Variants in AHCY observed in about 807,000 individuals in gnomAD.
The protein encoded by AHCY is S-adenosyl-L-homocysteine hydrolase.
Under a neutral mutation model 45.4 loss-of-function variants are expected in AHCY, and 24 were observed. The observed-to-expected ratio is 0.53, with a 90% CI of 0.38 to 0.74. The LOEUF (loss-of-function observed/expected upper bound fraction) is 0.74, where lower values mean the gene tolerates loss of function less well. AHCY is among the 30% of genes least tolerant of loss of function. The pLI, the probability that AHCY is intolerant of heterozygous loss-of-function variation, is 0.00. For synonymous variants in AHCY, 245 were observed against 235.1 expected (o/e 1.04, Z -0.39); for missense variants, 449 against 594.1 (o/e 0.76, Z 2.54).
At chr20:34,251,938 T>C in the AHCY span, among the ~76,000 whole-genome samples, 1 of 152,238 alleles carries the variant, frequency 6.6e-6, no homozygotes, top group Non-Finnish European at 1.5e-5. Flanking sequence ...AAATTTCCGT[T>C]GTTTAGAAAC....
intron 1 of AHCY, among the ~76,000 whole-genome samples, chr20:34,296,800 G>A (rs1038056409): frequency 5.9e-5 from 9 of 152,228 alleles, no homozygotes; most frequent in Non-Finnish European, 1.2e-4. Context: ...AGAGGTAGGC[G>A]GTGGGAGGCA....
At chr20:34,287,365 G>A (rs1044696817) in intron 8 of AHCY, among the ~76,000 whole-genome samples, 7 of 150,250 alleles carry the variant, frequency 4.7e-5, no homozygotes, top group Non-Finnish European at 7.4e-5. Context: ...CCAGGAAGGG[G>A]GTCTCTTTTT....
chr20:34,292,588 T>C (rs920078932), intron 3 of AHCY, 81 bp from the exon 4 acceptor site: 1 of 1,595,326 alleles, frequency 6.3e-7, no homozygotes, highest in African/African-American at 1.3e-5. Flanking sequence ...GAGCCAAAAC[T>C]ACCTCCTTCC....
the AHCY span, among the ~76,000 whole-genome samples, chr20:34,258,690 T>TATATATATATATATATATACAC: frequency 4.1e-5 from 3 of 72,326 alleles, no homozygotes; most frequent in African/African-American, 2.2e-4. Flanking sequence ...TATATATATA[T>TATATATATATATATATATACAC]ACATACTATA....
chr20:34,262,028 A>T, the AHCY span, among the ~76,000 whole-genome samples: 3 of 151,622 alleles, frequency 2.0e-5, no homozygotes, highest in African/African-American at 7.3e-5. Context: ...CAGGAAAATC[A>T]CTTGAACCCA....
intron 3 of AHCY, 156 bp downstream of exon 3, chr20:34,293,925 C>T: frequency 2.6e-6 from 2 of 761,074 alleles, no homozygotes; most frequent in Admixed American, 4.0e-5. Flanking sequence ...TGGGACAAAG[C>T]AGCTCTTTCC....
At chr20:34,275,788 T>C (rs1478769179), downstream of AHCY, among the ~76,000 whole-genome samples, 2 of 151,982 alleles carry the variant, frequency 1.3e-5, no homozygotes, top group Non-Finnish European at 2.9e-5. Flanking sequence ...GTGATTTTCC[T>C]GTCTCAGCCT....
the AHCY span, among the ~76,000 whole-genome samples, chr20:34,241,018 C>T: frequency 3.3e-5 from 5 of 152,164 alleles, no homozygotes; most frequent in East Asian, 5.8e-4. Flanking sequence ...CAGAGCAACA[C>T]GCCTTGCCTC....
the AHCY span, among the ~76,000 whole-genome samples, chr20:34,271,335 GAA>G: frequency 6.6e-6 from 1 of 152,192 alleles, no homozygotes; most frequent in Non-Finnish European, 1.5e-5. Flanking sequence ...GACCAGAACT[GAA>G]ACTCACATTT....
chr20:34,266,141 CAGG>C, the AHCY span, among the ~76,000 whole-genome samples: 1 of 149,380 alleles, frequency 6.7e-6, no homozygotes, highest in Non-Finnish European at 1.5e-5. Flanking sequence ...ACCACAAGGT[CAGG>C]AGATCAAGAC....
the AHCY span, among the ~76,000 whole-genome samples, chr20:34,251,475 C>T: frequency 1.3e-5 from 2 of 151,906 alleles, no homozygotes; most frequent in South Asian, 2.1e-4. Context: ...GGGGTTTTAC[C>T]GTGTTAGCCA....
chr20:34,244,832 T>C, the AHCY span, among the ~76,000 whole-genome samples: 1 of 152,190 alleles, frequency 6.6e-6, no homozygotes, highest in African/African-American at 2.4e-5. Context: ...TAGGGTGGAC[T>C]TTGTAACAAC....
chr20:34,251,039 T>C, the AHCY span, among the ~76,000 whole-genome samples: 341 of 152,274 alleles, frequency 2.2e-3, 1 homozygote, highest in South Asian at 3.9e-3. Flanking sequence ...ACAAGACTCC[T>C]GGGTTACATC....
At chr20:34,245,146 A>C in the AHCY span, among the ~76,000 whole-genome samples, 1,973 of 151,774 alleles carry the variant, frequency 0.013, 33 homozygotes, top group African/African-American at 0.043. Context: ...CCAGCCTGGC[A>C]AACATGATGA....
intron 1 of AHCY, among the ~76,000 whole-genome samples, chr20:34,299,214 G>A (rs371183767): frequency 6.6e-6 from 1 of 151,966 alleles, no homozygotes; most frequent in East Asian, 1.9e-4. Flanking sequence ...CTGCTCCATG[G>A]GGCCTGATTC....
chr20:34,290,231 C>T lies in AHCY; in HGVS notation c.972+101G>A. On this transcript the variant is annotated intron_variant, in intron 8 of 9. Transcript: ENST00000217426. This position sits in a 1 kb window ranked among gnomAD's most constrained non-coding sequence, Gnocchi z 4.5. ...GCTAGGCCCTCTTCTCCCCATCCCC[C>T]TGCACAGGTTGCCACCATCTCCTCA... 1.7e-6 allele frequency: 2 copies of T among 1,152,904 alleles called. No homozygotes were observed. The highest frequency in any genetic ancestry group is 2.3e-5 in the East Asian group (1 of 42,820). The allele number at this position is 1,152,904 out of a possible 1,614,324, so 71.4% of individuals were successfully genotyped here. A position where few individuals can be genotyped will look rare whatever the true frequency, so the allele number is the denominator to read the frequency against.
At chr20:34,239,319 C>A in the AHCY span, among the ~76,000 whole-genome samples, 226 of 152,056 alleles carry the variant, frequency 1.5e-3, no homozygotes, top group African/African-American at 5.3e-3. Context: ...CAGGTTCAAG[C>A]GATTCTCCTG....
At chr20:34,276,837 C>A (rs1309391176), downstream of AHCY, among the ~76,000 whole-genome samples, 1 of 152,124 alleles carries the variant, frequency 6.6e-6, no homozygotes, top group Non-Finnish European at 1.5e-5. Context: ...CTGATCGAAG[C>A]CCGCCCGGAC....
chr20:34,302,842 G>A, intron 1 of AHCY: 4 of 985,452 alleles, frequency 4.1e-6, no homozygotes, highest in Non-Finnish European at 4.8e-6. Context: ...CCAGAGAGGG[G>A]TGGACGCTCG....
Sources: gnomAD v4.1 joint callset for allele counts (sites outside exome capture counted in the v4.1 genomes callset) on GRCh38, gnomAD v4.1.1 for gene constraint, Gnocchi (gnomAD v3.1) non-coding constraint, MANE v1.5 for transcripts, NCBI Gene and HGNC (gene_info 2026-07-23, HGNC 2026-07-21) for gene names.